Variants in SHISA7 observed in about 807,000 individuals in gnomAD.
SHISA7 encodes protein shisa-7.
In SHISA7, 6 loss-of-function variants were observed where a neutral mutation model predicts 23.9. That is an observed-to-expected ratio of 0.25 (90% CI 0.14 to 0.50). The LOEUF (loss-of-function observed/expected upper bound fraction) is 0.50, where lower values mean the gene tolerates loss of function less well. Ranked by LOEUF, SHISA7 falls within the 20% of genes least tolerant of loss-of-function variation. The pLI, the probability that SHISA7 is intolerant of heterozygous loss-of-function variation, is 0.98. For missense variants in SHISA7, 671 were observed against 801.1 expected, an observed-to-expected ratio of 0.84 and a Z score of 1.96; for synonymous variants, 386 against 398.3, an observed-to-expected ratio of 0.97 and a Z score of 0.37.
chr19:55,442,046 T>A, intron 1 of SHISA7, 147 bp downstream of exon 1: 1 of 789,460 alleles, frequency 1.3e-6, no homozygotes, highest in Non-Finnish European at 1.9e-6. Flanking sequence ...TCTCAGCCCC[T>A]GCCCACCTTC....
Position 55,440,680 on chromosome 19 carries a change from C to T in SHISA7, c.757G>A (p.Gly253Ser). ...CTGGGGGGCATGCTGTCGGGACCGC[C>T]GATCCCCGGGGTCAGGGAGCTGCTT... ...ARSSSLTPGI[G>S]GPDSMPPRTP... The change falls in exon 2 of 4, where the codon GGC (glycine) becomes AGC (serine). Residue 253 changes from glycine to serine, a missense_variant. Physicochemically the swap from Gly to Ser is moderately conservative, Grantham distance 56 (BLOSUM62 0). Coordinates refer to ENST00000376325, the MANE Select transcript of SHISA7 (RefSeq NM_001145176.2). The T allele has an allele frequency of 8.0e-7, 1 of 1,249,674 alleles. No individual in the cohort carries two copies. The highest frequency in any genetic ancestry group is 1.0e-6 in the Non-Finnish European group (1 of 988,352). 77.4% of individuals were successfully genotyped at this position (1,249,674 alleles called of 1,614,324 possible). A position where few individuals can be genotyped will look rare whatever the true frequency, so the allele number is the denominator to read the frequency against.
chr19:55,441,671 G>A (rs1407253366), intron 1 of SHISA7, among the ~76,000 whole-genome samples: 4 of 152,198 alleles, frequency 2.6e-5, no homozygotes, highest in Non-Finnish European at 5.9e-5. Context: ...CACTGCACAT[G>A]CTTACGGACT....
Position 55,433,240 on chromosome 19 carries a change from G to A in SHISA7, c.1533C>T (p.Gly511=), listed in dbSNP as rs1171220227. The part of the protein sequence containing the change: ...LARRPPFQRQ[G]TLEQLQFIPG... ...GGATGAACTGCAGCTGCTCCAGCGT[G>A]CCCTGGCGCTGGAAGGGCGGCCTGC... is the stretch of plus-strand genomic sequence containing the variant. The change falls in exon 4 of 4, where the codon GGC becomes GGT. Residue 511 remains glycine, a synonymous_variant. Transcript: ENST00000376325. The surrounding 1 kb of genome is among the most constrained non-coding windows in gnomAD (Gnocchi z 8.4). The A allele has an allele frequency of 6.6e-7, 1 of 1,523,570 alleles. No homozygotes were observed. The highest frequency in any genetic ancestry group is 2.0e-5 in the Admixed American group (1 of 50,358). The allele number at this position is 1,523,570 out of a possible 1,614,324, so 94.4% of individuals were successfully genotyped here.
intron 1 of SHISA7, 129 bp from the exon 2 acceptor site, chr19:55,440,894 G>A (rs1985585843): frequency 2.2e-6 from 2 of 894,916 alleles, no homozygotes; most frequent in Non-Finnish European, 2.9e-6. Flanking sequence ...TTCGCCATTG[G>A]CCACGCCCCT....
intron 2 of SHISA7, among the ~76,000 whole-genome samples, chr19:55,439,247 G>A (rs1483643074): frequency 6.6e-6 from 1 of 152,220 alleles, no homozygotes; most frequent in African/African-American, 2.4e-5. Context: ...TCCTGCCACA[G>A]GGCCTTTGCA....
rs1985125373 is a variant in SHISA7, at chr19:55,429,660, G to A, written c.*3496C>T. On this transcript the variant is annotated 3_prime_UTR_variant, in exon 4 of 4. Transcript: ENST00000376325. ...ACCTCGCCCTAGGGGCTGGGGGAGGGGCGTGTAGCCCTTTAAGAGTGGGGG... is the reference window on the plus strand; with the variant it reads ...ACCTCGCCCTAGGGGCTGGGGGAGGAGCGTGTAGCCCTTTAAGAGTGGGGG... 6.6e-6 allele frequency: 1 copy of A among 152,270 alleles called. No homozygotes were observed. Among genetic ancestry groups the A allele is most frequent in the South Asian group, 2.1e-4 (1 of 4,838 alleles). The allele number at this position is 152,270 out of a possible 1,614,324, so 9.4% of individuals were successfully genotyped here.
chr19:55,428,937 A>G lies in SHISA7; in HGVS notation c.*4219T>C, dbSNP rs1042521666. The G allele has an allele frequency of 6.6e-6, 1 of 152,238 alleles. No homozygotes were observed. Among genetic ancestry groups the G allele is most frequent in the African/African-American group, 2.4e-5 (1 of 41,384 alleles). The allele number at this position is 152,238 out of a possible 1,614,324, so 9.4% of individuals were successfully genotyped here. A position where few individuals can be genotyped will look rare whatever the true frequency, so the allele number is the denominator to read the frequency against. The stretch of plus-strand genomic sequence containing the variant: ...TTCTCCCTGTGAAGTGCCCCCTCCC[A>G]TGCTCCCCCAACCAGACGGGGAGAT... On this transcript the variant is annotated 3_prime_UTR_variant, in exon 4 of 4. Transcript: ENST00000376325.
At chr19:55,435,591 A>AC (rs1343303598) in intron 3 of SHISA7, among the ~76,000 whole-genome samples, 1 of 49,604 alleles carries the variant, frequency 2.0e-5, no homozygotes, top group African/African-American at 7.3e-5. Flanking sequence ...CATCTCTACA[A>AC]AAAAAAAAAA....
chr19:55,435,238 G>A (rs531536431), intron 3 of SHISA7, among the ~76,000 whole-genome samples: 15 of 107,592 alleles, frequency 1.4e-4, no homozygotes, highest in East Asian at 2.8e-4. Flanking sequence ...GTGTGTGTGC[G>A]TGTGTGCGTG....
intron 3 of SHISA7, among the ~76,000 whole-genome samples, chr19:55,435,247 T>C (rs1358746116): frequency 7.8e-6 from 1 of 128,276 alleles, no homozygotes; most frequent in Non-Finnish European, 1.6e-5. Flanking sequence ...CGTGTGTGCG[T>C]GTGTGTGGTG....
At chr19:55,435,407 G>A (rs199869888) in intron 3 of SHISA7, among the ~76,000 whole-genome samples, 1 of 113,142 alleles carries the variant, frequency 8.8e-6, no homozygotes, top group Non-Finnish European at 1.9e-5. Context: ...GTGGGTGTGT[G>A]TTGTGTGTGT....
At chr19:55,440,462 G>T (rs977900247) in intron 2 of SHISA7, 149 bp downstream of exon 2, 4 of 739,426 alleles carry the variant, frequency 5.4e-6, no homozygotes, top group Non-Finnish European at 7.4e-6. Flanking sequence ...TCCGCCTTTC[G>T]CAGGGCAGGA....
chr19:55,434,300 G>GGT lies in SHISA7; in HGVS notation c.977-506_977-505dup. ...TGTGGTGGGTGTGTGGTGTATATGT[G>GGT]GTGTGTGTGTGGTGTGTGTGTGTGG... is the stretch of plus-strand genomic sequence containing the variant. On this transcript the variant is annotated intron_variant, in intron 3 of 3. Coordinates refer to ENST00000376325, the MANE Select transcript of SHISA7 (RefSeq NM_001145176.2). 2.6e-5 allele frequency among the ~76,000 whole-genome samples: 3 copies of GGT among 116,532 alleles called. No homozygotes were observed. In the South Asian group the frequency reaches 8.6e-4, roughly 34 times the overall value. 76.4% of individuals were successfully genotyped at this position (116,532 alleles called of 152,430 possible). A position where few individuals can be genotyped will look rare whatever the true frequency, so the allele number is the denominator to read the frequency against.
chr19:55,431,603 A>G lies in SHISA7; in HGVS notation c.*1553T>C, dbSNP rs1433632406. On this transcript the variant is annotated 3_prime_UTR_variant, in exon 4 of 4. Transcript: ENST00000376325. The stretch of plus-strand genomic sequence containing the variant: ...GATTCCATCCTCAGACATGGGTAAC[A>G]CTTGACCCCGGGTGTGGTGCCATCA... 6.6e-6 allele frequency: 1 copy of G among 152,160 alleles called. No individual in the cohort carries two copies. Among genetic ancestry groups the G allele is most frequent in the Non-Finnish European group, 1.5e-5 (1 of 68,028 alleles). 9.4% of individuals were successfully genotyped at this position (152,160 alleles called of 1,614,324 possible).
chr19:55,430,552 A>T lies in SHISA7; in HGVS notation c.*2604T>A, dbSNP rs1434369257. ...ATGGATCCTGGGAGATGATAACACC[A>T]GGGTCATGGTGGATCCTAATAGATG... On this transcript the variant is annotated 3_prime_UTR_variant, in exon 4 of 4. Coordinates refer to ENST00000376325, the MANE Select transcript of SHISA7 (RefSeq NM_001145176.2). 1 of 151,032 alleles carries T rather than the reference A, an allele frequency of 6.6e-6. No individual in the cohort carries two copies. Among genetic ancestry groups the T allele is most frequent in the Non-Finnish European group, 1.5e-5 (1 of 67,804 alleles). The allele number at this position is 151,032 out of a possible 1,614,324, so 9.4% of individuals were successfully genotyped here.
At position 55,440,659 on chromosome 19, in the gene SHISA7, G is replaced by C; in HGVS notation, c.778C>G (p.Pro260Ala). 8.0e-7 allele frequency: 1 copy of C among 1,249,820 alleles called. No homozygotes were observed. The highest frequency in any genetic ancestry group is 1.0e-6 in the Non-Finnish European group (1 of 988,276). 77.4% of individuals were successfully genotyped at this position (1,249,820 alleles called of 1,614,324 possible). The change falls in exon 2 of 4, where the codon CCC becomes GCC. Residue 260 changes from proline to alanine, a missense_variant. Coordinates refer to ENST00000376325, the MANE Select transcript of SHISA7 (RefSeq NM_001145176.2). ...PGIGGPDSMP[P>A]RTPKNLYNTV... ...TTGTAGAGGTTCTTGGGCGTCCTGG[G>C]GGGCATGCTGTCGGGACCGCCGATC...
At position 55,442,212 on chromosome 19, in the gene SHISA7, G is replaced by C. The variant is rs776348794; in HGVS notation, c.652C>G (p.Arg218Gly). The change falls in exon 1 of 4, where the codon CGG (arginine) becomes GGG (glycine). Residue 218 changes from arginine to glycine, a missense_variant. Around this residue, in one of 5 missense-constraint regions of SHISA7, gnomAD observed 457 missense variants for 488.3 expected, o/e 0.94. Transcript: ENST00000376325. ...ACGCACCTGGGCACGTTGATATCCC[G>C]GTGCGCCCGGGGCGCACGGGACGCC... ...SKASRAPRAH[R>G]DINVPRALVD... is the part of the protein sequence containing the mutation. The C allele has an allele frequency of 7.2e-6, 11 of 1,533,518 alleles. No homozygotes were observed. The Admixed American group carries it at 1.2e-4, about 16-fold the overall frequency. The allele number at this position is 1,533,518 out of a possible 1,614,324, so 95.0% of individuals were successfully genotyped here. A position where few individuals can be genotyped will look rare whatever the true frequency, so the allele number is the denominator to read the frequency against.
rs1403814247 is a variant in SHISA7, at chr19:55,442,718, C to A, written c.146G>T (p.Gly49Val). 1 of 1,024,374 alleles carries A rather than the reference C, an allele frequency of 9.8e-7. No homozygotes were observed. Among genetic ancestry groups the A allele is most frequent in the Non-Finnish European group, 1.2e-6 (1 of 857,364 alleles). 63.5% of individuals were successfully genotyped at this position (1,024,374 alleles called of 1,614,324 possible). The change falls in exon 1 of 4, where the codon GGC (glycine) becomes GTC (valine). Residue 49 changes from glycine to valine, a missense_variant. By Grantham distance (109) the Gly-to-Val change is moderately radical. Around this residue, in one of 5 missense-constraint regions of SHISA7, gnomAD observed 96 missense variants for 113.1 expected, o/e 0.85. Transcript: ENST00000376325. Reference sequence around the variant, plus strand: ...GCCTGGGCTCGCCGCGCCCCCGCCGCCCGTCAGCGCCCCGGTCAGGCGCCG... The same window carrying A: ...GCCTGGGCTCGCCGCGCCCCCGCCGACCGTCAGCGCCCCGGTCAGGCGCCG... ...HLRRLTGALT[G>V]GGGAASPGAN... is the part of the protein sequence containing the mutation.
Position 55,437,594 on chromosome 19 carries a change from C to T in SHISA7, c.976+11G>A, listed in dbSNP as rs1047306736. 2.6e-6 allele frequency: 4 copies of T among 1,550,140 alleles called. No individual in the cohort carries two copies. The highest frequency in any genetic ancestry group is 2.0e-5 in the Admixed American group (1 of 50,892). ...CCCCTTCACCGCCGCGCTGCCCTTG[C>T]CAGGACTCACCCAGCCTCTTGAGGG... On this transcript the variant is annotated intron_variant, in intron 3 of 3. Transcript: ENST00000376325.
Sources: allele counts gnomAD v4.1 joint callset (sites outside exome capture counted in the v4.1 genomes callset), GRCh38; gene constraint gnomAD v4.1.1; regional missense constraint gnomAD v4.1.1; non-coding constraint Gnocchi (gnomAD v3.1); transcripts MANE v1.5; gene names NCBI Gene and HGNC (gene_info 2026-07-23, HGNC 2026-07-21).